CTNNA3: variants seen among roughly 807,000 people sequenced by gnomAD.
CTNNA3 encodes the protein catenin alpha 3.
In CTNNA3, 76 loss-of-function variants were observed where a neutral mutation model predicts 95.7. The observed-to-expected ratio is 0.79, with a 90% CI of 0.66 to 0.96. The LOEUF (loss-of-function observed/expected upper bound fraction) is 0.96, where lower values mean the gene tolerates loss of function less well. Ranked by LOEUF, CTNNA3 falls within the 40% of genes least tolerant of loss-of-function variation. The pLI is 0.00. For missense variants in CTNNA3, 1,191 were observed against 1,089.8 expected, an observed-to-expected ratio of 1.09 and a Z score of -1.31; for synonymous variants, 431 against 374.4, an observed-to-expected ratio of 1.15 and a Z score of -1.74.
chr10:66,926,583 G>C (rs1417598149), intron 7 of CTNNA3: 3 of 1,613,868 alleles, frequency 1.9e-6, no homozygotes, highest in Non-Finnish European at 2.5e-6. Context: ...CAATACAAAG[G>C]ATGGGTATGT....
intron 10 of CTNNA3, among the ~76,000 whole-genome samples, chr10:66,537,868 GA>G (rs772235238): frequency 2.0e-5 from 3 of 149,444 alleles, no homozygotes; most frequent in Middle Eastern, 3.5e-3. Context: ...CCTCAAAGCA[GA>G]AAAAAAAAGA....
chr10:66,552,868 C>T (rs377628151), intron 10 of CTNNA3, among the ~76,000 whole-genome samples: 3 of 151,154 alleles, frequency 2.0e-5, no homozygotes, highest in Admixed American at 6.6e-5. Flanking sequence ...CCTTTTTTTC[C>T]GTTTAGCCTA....
chr10:66,523,076 T>C (rs1035184930), intron 10 of CTNNA3, among the ~76,000 whole-genome samples: 1 of 152,190 alleles, frequency 6.6e-6, no homozygotes, highest in African/African-American at 2.4e-5. Context: ...ACACTAACTT[T>C]AGAAATAACT....
intron 16 of CTNNA3, among the ~76,000 whole-genome samples, chr10:65,972,783 C>A (rs186536356): frequency 5.3e-4 from 80 of 151,864 alleles, no homozygotes; most frequent in Middle Eastern, 3.4e-3. Context: ...AAGCAATCTA[C>A]AGATTCAATG....
At chr10:66,892,918 A>AC (rs1299662385) in intron 7 of CTNNA3, among the ~76,000 whole-genome samples, 1 of 152,128 alleles carries the variant, frequency 6.6e-6, no homozygotes, top group Non-Finnish European at 1.5e-5. Flanking sequence ...ACCATTTTGA[A>AC]TAAATCACTT....
intron 7 of CTNNA3, among the ~76,000 whole-genome samples, chr10:66,954,989 C>T (rs908260552): frequency 4.6e-5 from 7 of 152,126 alleles, no homozygotes; most frequent in African/African-American, 1.2e-4. Flanking sequence ...AGATACTAGA[C>T]GTAAACATGC....
chr10:66,201,783 C>CTTTTTTTTTTTTTTTTTTTT (rs1236010501), intron 13 of CTNNA3, among the ~76,000 whole-genome samples: 12 of 79,366 alleles, frequency 1.5e-4, no homozygotes, highest in Non-Finnish European at 2.0e-4. Context: ...TTTACTTTTT[C>CTTTTTTTTTTTTTTTTTTTT]TTTTTTTTTT....
chr10:67,400,857 T>G (rs1445537001), intron 5 of CTNNA3, among the ~76,000 whole-genome samples: 3 of 152,174 alleles, frequency 2.0e-5, no homozygotes, highest in Non-Finnish European at 4.4e-5. Flanking sequence ...TAGAAAAGAA[T>G]ATTAGAATTA....
intron 5 of CTNNA3, among the ~76,000 whole-genome samples, chr10:67,465,835 T>A (rs1302365138): frequency 6.6e-6 from 1 of 152,128 alleles, no homozygotes; most frequent in Non-Finnish European, 1.5e-5. Flanking sequence ...ATCAAGCATT[T>A]AGTTATTTTC....
chr10:67,577,042 G>T (rs1842182687), intron 3 of CTNNA3, among the ~76,000 whole-genome samples: 1 of 150,758 alleles, frequency 6.6e-6, no homozygotes, highest in Admixed American at 6.6e-5. Flanking sequence ...ATAGCAGCAT[G>T]ATTTATAGTC....
At chr10:67,070,631 C>A (rs1275775698) in intron 7 of CTNNA3, among the ~76,000 whole-genome samples, 2 of 151,786 alleles carry the variant, frequency 1.3e-5, no homozygotes, top group African/African-American at 2.4e-5. Context: ...CCTGTCTTCC[C>A]AGCTGCTTGG....
At chr10:65,959,389 T>C (rs989843896) in intron 17 of CTNNA3, among the ~76,000 whole-genome samples, 1 of 152,150 alleles carries the variant, frequency 6.6e-6, no homozygotes, top group Non-Finnish European at 1.5e-5. Context: ...CCATGGGCTG[T>C]ACCCACTGTC....
intron 5 of CTNNA3, among the ~76,000 whole-genome samples, chr10:67,431,887 C>A (rs1173640843): frequency 6.6e-6 from 1 of 151,866 alleles, no homozygotes; most frequent in Admixed American, 6.6e-5. Flanking sequence ...AATATCATTC[C>A]CCAAAACATG....
At chr10:67,593,716 G>T (rs10997740) in intron 3 of CTNNA3, among the ~76,000 whole-genome samples, 4,126 of 152,214 alleles carry the variant, frequency 0.027, 75 homozygotes, top group Non-Finnish European at 0.041. Context: ...AAGATAGGTT[G>T]AATTCCTCTC....
rs144584897 is a variant in CTNNA3, at chr10:66,738,154, G to C, written c.1281+28110C>G. Reference sequence around the variant, plus strand: ...ATAATAGCTGTTTTATTATGACTTTGATTATTCTTTTTGGTCAGTTTGTTT... The same window carrying C: ...ATAATAGCTGTTTTATTATGACTTTCATTATTCTTTTTGGTCAGTTTGTTT... On this transcript the variant is annotated intron_variant, in intron 9 of 17. Coordinates refer to ENST00000433211, the MANE Select transcript of CTNNA3 (RefSeq NM_013266.4). Among the ~76,000 whole-genome samples, 67 of 152,256 alleles carry C rather than the reference G, an allele frequency of 4.4e-4. 1 individual carries two copies. The East Asian group carries it at 0.013, about 29-fold the overall frequency.
At chr10:67,365,446 T>G (rs992663816) in intron 5 of CTNNA3, among the ~76,000 whole-genome samples, 1 of 151,916 alleles carries the variant, frequency 6.6e-6, no homozygotes, top group African/African-American at 2.4e-5. Context: ...GCAACCCACA[T>G]AAAGGGAGAA....
At chr10:67,486,028 A>C (rs1402798642) in intron 5 of CTNNA3, among the ~76,000 whole-genome samples, 2 of 152,202 alleles carry the variant, frequency 1.3e-5, no homozygotes, top group African/African-American at 4.8e-5. Flanking sequence ...GCTAAAAAGC[A>C]ACCCAAACCT....
At chr10:65,962,295 T>C (rs1420244402) in intron 17 of CTNNA3, among the ~76,000 whole-genome samples, 3 of 152,160 alleles carry the variant, frequency 2.0e-5, no homozygotes, top group Non-Finnish European at 4.4e-5. Context: ...AAGCAAAACC[T>C]GAATGAGTTT....
intron 5 of CTNNA3, among the ~76,000 whole-genome samples, chr10:67,333,604 G>A (rs1352333726): frequency 6.6e-6 from 1 of 152,094 alleles, no homozygotes; most frequent in Non-Finnish European, 1.5e-5. Flanking sequence ...TTAGAAAATT[G>A]AATAAGGCTG....
Sources: allele counts gnomAD v4.1 joint callset (sites outside exome capture counted in the v4.1 genomes callset), GRCh38; gene constraint gnomAD v4.1.1; transcripts MANE v1.5; gene names NCBI Gene and HGNC (gene_info 2026-07-23, HGNC 2026-07-21).